OTUD7A: variants seen among roughly 807,000 people sequenced by gnomAD.
OTUD7A encodes the protein OTU domain-containing protein 7A.
OTUD7A carries 12 observed loss-of-function variants against 65.7 expected under a neutral mutation model. The observed-to-expected ratio is 0.18, with a 90% CI of 0.12 to 0.30. The LOEUF (loss-of-function observed/expected upper bound fraction) is 0.30. Among genes scored for constraint, OTUD7A ranks in the 10% least tolerant of loss-of-function variants. OTUD7A has a pLI of 1.00. For synonymous variants in OTUD7A, 641 were observed against 586.3 expected (o/e 1.09, Z -1.35); for missense variants, 1,148 against 1,304.8 (o/e 0.88, Z 1.85).
intron 1 of OTUD7A, among the ~76,000 whole-genome samples, chr15:31,739,451 AAC>A (rs1894279476): frequency 6.6e-6 from 1 of 152,254 alleles, no homozygotes; most frequent in Non-Finnish European, 1.5e-5. Context: ...GGAGGAAAAT[AAC>A]AGTTTGGCTA....
chr15:31,812,761 T>C (rs1896453560), intron 1 of OTUD7A, among the ~76,000 whole-genome samples: 1 of 152,204 alleles, frequency 6.6e-6, no homozygotes, highest in Non-Finnish European at 1.5e-5. Context: ...GTACATGGTA[T>C]AACTGCCAAG....
intron 1 of OTUD7A, among the ~76,000 whole-genome samples, chr15:31,711,207 A>G (rs917874031): frequency 6.6e-5 from 10 of 152,058 alleles, no homozygotes; most frequent in African/African-American, 9.7e-5. Flanking sequence ...CAGAAAACAC[A>G]TAAGAAACAA....
At chr15:31,770,660 C>T (rs1047206991) in intron 1 of OTUD7A, among the ~76,000 whole-genome samples, 1 of 152,122 alleles carries the variant, frequency 6.6e-6, no homozygotes, top group African/African-American at 2.4e-5. Flanking sequence ...ATGGTCTTAA[C>T]AAAATATGAG....
chr15:31,482,279 T>TG lies in OTUD7A; in HGVS notation c.*1014dup, dbSNP rs1258493430. 6.6e-6 allele frequency: 1 copy of TG among 152,384 alleles called. No individual in the cohort carries two copies. The highest frequency in any genetic ancestry group is 1.5e-5 in the Non-Finnish European group (1 of 68,194). 9.4% of individuals were successfully genotyped at this position (152,384 alleles called of 1,614,324 possible). ...GGCTGAACCCAGACAGATGCAGGTG[T>TG]GGGGGTGGGCTTCCTTCCTGGTTCC... On this transcript the variant is annotated 3_prime_UTR_variant, in exon 13 of 13. Transcript: ENST00000307050.
chr15:31,652,886 G>C (rs1451675348), intron 3 of OTUD7A, among the ~76,000 whole-genome samples: 1 of 152,182 alleles, frequency 6.6e-6, no homozygotes, highest in Non-Finnish European at 1.5e-5. Context: ...TGGTAGGAAT[G>C]CAAAGTGGTA....
At chr15:31,835,306 C>A (rs1280243622) in intron 1 of OTUD7A, among the ~76,000 whole-genome samples, 1 of 152,202 alleles carries the variant, frequency 6.6e-6, no homozygotes, top group Non-Finnish European at 1.5e-5. Context: ...ATATTTGACT[C>A]AAGCATATGT....
At position 31,492,596 on chromosome 15, in the gene OTUD7A, AAAAC is replaced by A. The variant is rs1463815388; in HGVS notation, c.1172-5034_1172-5031del. On this transcript the variant is annotated intron_variant, in intron 10 of 12. Transcript: ENST00000307050. The stretch of plus-strand genomic sequence containing the variant: ...AGACTCTGTCTCAAAAAAAAAAAAA[AAAAC>A]AAATCTCATTAATTAAAGATGTTTA... 2.1e-3 allele frequency among the ~76,000 whole-genome samples: 320 copies of A among 151,448 alleles called. 1 individual carries two copies. Among genetic ancestry groups the A allele is most frequent in the African/African-American group, 7.2e-3 (295 of 41,104 alleles).
At chr15:31,855,297 G>A (rs1897540245) in intron 1 of OTUD7A, among the ~76,000 whole-genome samples, 1 of 152,176 alleles carries the variant, frequency 6.6e-6, no homozygotes, top group Non-Finnish European at 1.5e-5. Context: ...ATAACTCTGT[G>A]CTAAAAGACA....
Position 31,655,299 on chromosome 15 carries a change from C to T in OTUD7A, c.-4-49G>A, listed in dbSNP as rs1378441367. 6.2e-6 allele frequency: 5 copies of T among 807,380 alleles called. No individual in the cohort carries two copies. In the African/African-American group the frequency reaches 9.0e-5, roughly 15 times the overall value. 50.0% of individuals were successfully genotyped at this position (807,380 alleles called of 1,614,324 possible). A position where few individuals can be genotyped will look rare whatever the true frequency, so the allele number is the denominator to read the frequency against. ...ATTTTACCACGTGATGGAAATGGAG[C>T]TGCAAGTGACAACTACATGCAGAGA... On this transcript the variant is annotated intron_variant, in intron 2 of 12. Transcript: ENST00000307050.
chr15:31,804,358 AC>A (rs1162361756), intron 1 of OTUD7A, among the ~76,000 whole-genome samples: 1 of 152,044 alleles, frequency 6.6e-6, no homozygotes, highest in African/African-American at 2.4e-5. Context: ...CATTGGAAAC[AC>A]CCGGGTCCCC....
At chr15:31,502,180 C>A (rs2041478935) in intron 9 of OTUD7A, among the ~76,000 whole-genome samples, 1 of 152,196 alleles carries the variant, frequency 6.6e-6, no homozygotes, top group South Asian at 2.1e-4. Context: ...CATTTGTATA[C>A]AACAGAGTAT....
intron 1 of OTUD7A, among the ~76,000 whole-genome samples, chr15:31,798,453 G>A (rs1896031858): frequency 6.6e-6 from 1 of 152,138 alleles, no homozygotes; most frequent in African/African-American, 2.4e-5. Flanking sequence ...CCATGCTCAT[G>A]GACAGAGGCA....
chr15:31,762,885 G>C (rs1488190813), intron 1 of OTUD7A, among the ~76,000 whole-genome samples: 1 of 152,108 alleles, frequency 6.6e-6, no homozygotes. Flanking sequence ...TACAAGAAAA[G>C]AGAAAAACAA....
chr15:31,530,641 T>C, intron 6 of OTUD7A, 66 bp downstream of exon 6: 2 of 1,408,438 alleles, frequency 1.4e-6, no homozygotes, highest in Non-Finnish European at 2.0e-6. Context: ...TTTCCTTCAA[T>C]AGCATATGTC....
At chr15:31,638,151 G>A (rs1169098517) in intron 3 of OTUD7A, among the ~76,000 whole-genome samples, 2 of 151,912 alleles carry the variant, frequency 1.3e-5, no homozygotes, top group Non-Finnish European at 2.9e-5. Context: ...CTTATTTTAA[G>A]AAATTGTCAC....
intron 1 of OTUD7A, among the ~76,000 whole-genome samples, chr15:31,813,937 G>A (rs377116042): frequency 7.2e-5 from 11 of 152,320 alleles, no homozygotes; most frequent in Admixed American, 4.6e-4. Context: ...AAAACCACCA[G>A]AGGAATTACT....
chr15:31,749,022 G>A (rs1025450102), intron 1 of OTUD7A, among the ~76,000 whole-genome samples: 4 of 151,066 alleles, frequency 2.6e-5, no homozygotes, highest in South Asian at 4.2e-4. Flanking sequence ...ATCATTCTCC[G>A]CAAACTATCG....
At chr15:31,564,402 G>GTTTTTTTTTTTTT (rs1888798398) in intron 4 of OTUD7A, among the ~76,000 whole-genome samples, 1 of 96,814 alleles carries the variant, frequency 1.0e-5, no homozygotes, top group African/African-American at 4.1e-5. Flanking sequence ...TTTTTTTTTA[G>GTTTTTTTTTTTTT]CAAAAGAGAA....
intron 1 of OTUD7A, among the ~76,000 whole-genome samples, chr15:31,708,930 T>G (rs1461776761): frequency 7.9e-5 from 12 of 151,122 alleles, no homozygotes; most frequent in African/African-American, 2.2e-4. Flanking sequence ...AAGGCCCCAG[T>G]GGAGGGGAAT....
Sources: gnomAD v4.1 joint callset for allele counts (sites outside exome capture counted in the v4.1 genomes callset) on GRCh38, gnomAD v4.1.1 for gene constraint, MANE v1.5 for transcripts, NCBI Gene and HGNC (gene_info 2026-07-23, HGNC 2026-07-21) for gene names.